ST6GALNAC3: variants seen among roughly 807,000 people sequenced by gnomAD.
The protein encoded by ST6GALNAC3 is ST6 N-acetylgalactosaminide alpha-2,6-sialyltransferase 3.
In ST6GALNAC3, 25 loss-of-function variants were observed where a neutral mutation model predicts 32.7. The observed-to-expected ratio is 0.76, with a 90% CI of 0.56 to 1.07. The LOEUF is 1.07. Among genes scored for constraint, ST6GALNAC3 ranks in the 50% least tolerant of loss-of-function variants. ST6GALNAC3 has a pLI of 0.00. For synonymous variants in ST6GALNAC3, 129 were observed against 133.1 expected (o/e 0.97, Z 0.21); for missense variants, 355 against 382.4 (o/e 0.93, Z 0.60).
At chr1:76,461,721 G>A (rs755640407) in intron 3 of ST6GALNAC3, among the ~76,000 whole-genome samples, 1 of 152,146 alleles carries the variant, frequency 6.6e-6, no homozygotes, top group Non-Finnish European at 1.5e-5. Flanking sequence ...AGTAAGTGTT[G>A]TAGTGGCAGT....
At chr1:76,419,953 T>G (rs1654913654) in intron 3 of ST6GALNAC3, among the ~76,000 whole-genome samples, 1 of 151,434 alleles carries the variant, frequency 6.6e-6, no homozygotes, top group Non-Finnish European at 1.5e-5. Context: ...TCTTTTTTTT[T>G]TTTTTGTTTG....
At chr1:76,210,464 A>G (rs1293915568) in intron 1 of ST6GALNAC3, among the ~76,000 whole-genome samples, 1 of 152,142 alleles carries the variant, frequency 6.6e-6, no homozygotes, top group East Asian at 1.9e-4. Context: ...ACCAAGTCTA[A>G]TATCTATTTG....
At chr1:76,555,375 C>T (rs1664858629) in intron 3 of ST6GALNAC3, among the ~76,000 whole-genome samples, 1 of 152,086 alleles carries the variant, frequency 6.6e-6, no homozygotes, top group African/African-American at 2.4e-5. Flanking sequence ...AAATCAGATA[C>T]AAAATGATGG....
At chr1:76,385,733 G>A (rs1652046465) in intron 2 of ST6GALNAC3, among the ~76,000 whole-genome samples, 1 of 152,046 alleles carries the variant, frequency 6.6e-6, no homozygotes, top group Admixed American at 6.6e-5. Context: ...AGCGAGAAGG[G>A]AAGATATTTT....
chr1:76,611,045 T>G (rs1401605386), intron 3 of ST6GALNAC3, among the ~76,000 whole-genome samples: 6 of 150,958 alleles, frequency 4.0e-5, no homozygotes, highest in African/African-American at 1.5e-4. Context: ...AATTAGAGAA[T>G]TAATCTTTTT....
intron 1 of ST6GALNAC3, among the ~76,000 whole-genome samples, chr1:76,088,672 A>G (rs759945008): frequency 9.2e-5 from 14 of 152,178 alleles, no homozygotes; most frequent in South Asian, 2.1e-4. Context: ...AAAAGTAAAT[A>G]AGATCATGGC....
chr1:76,477,688 C>T (rs894302496), intron 3 of ST6GALNAC3, among the ~76,000 whole-genome samples: 1 of 152,170 alleles, frequency 6.6e-6, no homozygotes, highest in Non-Finnish European at 1.5e-5. Context: ...TGGGGCTCTT[C>T]ACTCTGTGTA....
At chr1:76,389,851 C>T (rs1041490978) in intron 2 of ST6GALNAC3, among the ~76,000 whole-genome samples, 3 of 152,188 alleles carry the variant, frequency 2.0e-5, no homozygotes, top group African/African-American at 7.2e-5. Context: ...GGCCAAGTGC[C>T]AAACATCCTA....
At chr1:76,264,835 TA>T (rs1320293209) in intron 1 of ST6GALNAC3, among the ~76,000 whole-genome samples, 3 of 151,668 alleles carry the variant, frequency 2.0e-5, no homozygotes, top group Non-Finnish European at 2.9e-5. Flanking sequence ...TTTTTGACCC[TA>T]ACAACACCAA....
intron 3 of ST6GALNAC3, among the ~76,000 whole-genome samples, chr1:76,481,134 A>T (rs1258311145): frequency 6.6e-6 from 1 of 152,102 alleles, no homozygotes; most frequent in African/African-American, 2.4e-5. Context: ...ATTTGGCCAT[A>T]GTGTCATTTT....
Position 76,634,127 on chromosome 1 carries a change from G to A in ST6GALNAC3, c.*5321G>A. On this transcript the variant is annotated 3_prime_UTR_variant, in exon 5 of 5. Coordinates refer to ENST00000328299, the MANE Select transcript of ST6GALNAC3 (RefSeq NM_152996.4). ...GTAGAAAACCTCTTCTTTCTCCACA[G>A]ATACATCTCTTTTTGTTCACGCCTT... The A allele has an allele frequency of 1.0e-6, 1 of 983,954 alleles. No homozygotes were observed. Among genetic ancestry groups the A allele is most frequent in the Non-Finnish European group, 1.2e-6 (1 of 829,460 alleles). 61.0% of individuals were successfully genotyped at this position (983,954 alleles called of 1,614,324 possible). A position where few individuals can be genotyped will look rare whatever the true frequency, so the allele number is the denominator to read the frequency against.
intron 3 of ST6GALNAC3, among the ~76,000 whole-genome samples, chr1:76,418,013 T>G (rs1654761292): frequency 6.6e-6 from 1 of 152,130 alleles, no homozygotes; most frequent in Non-Finnish European, 1.5e-5. Flanking sequence ...AGTATCAAGA[T>G]CTCTACCTGG....
At chr1:76,554,772 G>A (rs1664825888) in intron 3 of ST6GALNAC3, among the ~76,000 whole-genome samples, 1 of 152,138 alleles carries the variant, frequency 6.6e-6, no homozygotes, top group Non-Finnish European at 1.5e-5. Flanking sequence ...CTGGGCTGCT[G>A]AGGACTAATT....
At chr1:76,592,774 G>A (rs1192241903) in intron 3 of ST6GALNAC3, among the ~76,000 whole-genome samples, 1 of 152,074 alleles carries the variant, frequency 6.6e-6, no homozygotes, top group Non-Finnish European at 1.5e-5. Context: ...ATCAGGTATT[G>A]ACCTTTTCAG....
intron 3 of ST6GALNAC3, among the ~76,000 whole-genome samples, chr1:76,540,043 A>C (rs1319507613): frequency 1.3e-5 from 2 of 152,222 alleles, no homozygotes; most frequent in Non-Finnish European, 2.9e-5. Context: ...TCTGCTGTAA[A>C]GATGCATGCA....
At chr1:76,203,011 C>T (rs1466478464) in intron 1 of ST6GALNAC3, among the ~76,000 whole-genome samples, 2 of 152,026 alleles carry the variant, frequency 1.3e-5, no homozygotes, top group African/African-American at 4.8e-5. Context: ...TGGGGAGTTG[C>T]AGGATTGGAA....
chr1:76,511,757 A>G (rs115490517), intron 3 of ST6GALNAC3, among the ~76,000 whole-genome samples: 22 of 152,338 alleles, frequency 1.4e-4, no homozygotes, highest in African/African-American at 5.3e-4. Flanking sequence ...TTAAAAATGG[A>G]AAGGGCTCCA....
chr1:76,481,991 G>C (rs1317275045), intron 3 of ST6GALNAC3, among the ~76,000 whole-genome samples: 1 of 152,060 alleles, frequency 6.6e-6, no homozygotes, highest in Non-Finnish European at 1.5e-5. Context: ...AAGTTCTGTG[G>C]CAAGTTTCAC....
chr1:76,255,033 T>C (rs1000892065), intron 1 of ST6GALNAC3, among the ~76,000 whole-genome samples: 2 of 151,354 alleles, frequency 1.3e-5, no homozygotes, highest in African/African-American at 4.9e-5. Context: ...TCTCTCTCTT[T>C]TTTTTTTTTT....
Sources: allele counts gnomAD v4.1 joint callset (sites outside exome capture counted in the v4.1 genomes callset), GRCh38; gene constraint gnomAD v4.1.1; transcripts MANE v1.5; gene names NCBI Gene and HGNC (gene_info 2026-07-23, HGNC 2026-07-21).